Variants in RYR3 observed in about 807,000 individuals in gnomAD.
The protein encoded by RYR3 is ryanodine receptor 3, also known as brain ryanodine receptor-calcium release channel.
A neutral mutation model predicts 584.3 loss-of-function variants in RYR3; 207 were observed. The ratio of observed to expected loss-of-function variants is 0.35; its 90% CI spans 0.32 to 0.40. The LOEUF is 0.40. Ranked by LOEUF, RYR3 falls within the 10% of genes least tolerant of loss-of-function variation. The pLI, the probability that RYR3 is intolerant of heterozygous loss-of-function variation, is 1.00. For missense variants in RYR3, 5,616 were observed against 6,089.2 expected (o/e 0.92, Z 2.59); for synonymous variants, 2,416 against 2,248.5 (o/e 1.07, Z -2.11).
At chr15:33,543,515 G>C in intron 7 of RYR3, 107 bp from the exon 8 acceptor site, 1 of 759,802 alleles carries the variant, frequency 1.3e-6, no homozygotes, top group South Asian at 1.5e-5. Flanking sequence ...GTCTCTCTCA[G>C]TATTTACCGT....
intron 44 of RYR3, among the ~76,000 whole-genome samples, chr15:33,723,221 C>A (rs2068080602): frequency 6.6e-6 from 1 of 152,242 alleles, no homozygotes; most frequent in Admixed American, 6.5e-5. Context: ...TGTCTAACTT[C>A]AGCATGTTTC....
chr15:33,717,479 C>A (rs2067583688), intron 43 of RYR3, among the ~76,000 whole-genome samples: 1 of 152,132 alleles, frequency 6.6e-6, no homozygotes, highest in African/African-American at 2.4e-5. Context: ...TCACCAAGTT[C>A]TGTTGATTCA....
At chr15:33,817,975 CT>C (rs2076907684) in intron 75 of RYR3, among the ~76,000 whole-genome samples, 1 of 152,142 alleles carries the variant, frequency 6.6e-6, no homozygotes, top group Non-Finnish European at 1.5e-5. Context: ...AAGAAAAGAC[CT>C]GATAAAAGGA....
At position 33,826,659 on chromosome 15, in the gene RYR3, C is replaced by G; in HGVS notation, c.11165-13C>G. On this transcript the variant is annotated splice_polypyrimidine_tract_variant and intron_variant, in intron 83 of 103. Transcript: ENST00000634891. Reference sequence around the variant, plus strand: ...AGCCAAACCAATGCTCATCAACGTTCTGTGTTTTCAAGGTGAAAAAGTACT... The same window carrying G: ...AGCCAAACCAATGCTCATCAACGTTGTGTGTTTTCAAGGTGAAAAAGTACT... 6.2e-7 allele frequency: 1 copy of G among 1,608,572 alleles called. No individual in the cohort carries two copies. The highest frequency in any genetic ancestry group is 8.5e-7 in the Non-Finnish European group (1 of 1,174,980).
At chr15:33,789,271 A>C (rs1224368523) in intron 67 of RYR3, among the ~76,000 whole-genome samples, 1 of 152,106 alleles carries the variant, frequency 6.6e-6, no homozygotes, top group Non-Finnish European at 1.5e-5. Flanking sequence ...TCTGAGTCAG[A>C]TAACAAGCCC....
chr15:33,624,642 ATAGCG>A (rs1235824464), intron 20 of RYR3, among the ~76,000 whole-genome samples: 1 of 152,194 alleles, frequency 6.6e-6, no homozygotes, highest in African/African-American at 2.4e-5. Context: ...GAGAAATGGA[ATAGCG>A]TGAAGGGCTT....
At chr15:33,804,145 A>G (rs938288399) in intron 69 of RYR3, among the ~76,000 whole-genome samples, 2 of 152,244 alleles carry the variant, frequency 1.3e-5, no homozygotes, top group African/African-American at 4.8e-5. Flanking sequence ...CATTTTCAGA[A>G]AGTGGTCTTC....
Position 33,486,418 on chromosome 15 carries a change from A to G in RYR3, c.171+12880A>G, listed in dbSNP as rs562502140. 2.0e-4 allele frequency among the ~76,000 whole-genome samples: 31 copies of G among 152,240 alleles called. No individual in the cohort carries two copies. In the East Asian group the frequency reaches 5.2e-3, roughly 26 times the overall value. ...TCTCTGTGCACGTCTTTGCCTGTAC[A>G]TAGCATTTTGTTGTTCGTATAAAGG... On this transcript the variant is annotated intron_variant, in intron 2 of 103. Coordinates refer to ENST00000634891, the MANE Select transcript of RYR3 (RefSeq NM_001036.6).
intron 38 of RYR3, among the ~76,000 whole-genome samples, chr15:33,682,119 A>G (rs769968598): frequency 6.6e-6 from 1 of 152,236 alleles, no homozygotes; most frequent in Non-Finnish European, 1.5e-5. Context: ...AGTTACACCA[A>G]CTTTGGTAGG....
intron 34 of RYR3, 27 bp downstream of exon 34, chr15:33,660,450 G>C: frequency 6.7e-7 from 1 of 1,495,248 alleles, no homozygotes; most frequent in South Asian, 1.3e-5. Context: ...CGAAGGAAGG[G>C]GCAGGCCTGA....
intron 27 of RYR3, among the ~76,000 whole-genome samples, chr15:33,637,601 T>C (rs1029454822): frequency 2.0e-5 from 3 of 152,216 alleles, no homozygotes; most frequent in African/African-American, 4.8e-5. Context: ...TCTGAGACTT[T>C]ACAGAAAGAA....
chr15:33,757,190 C>A (rs1475887738), intron 59 of RYR3, among the ~76,000 whole-genome samples: 1 of 152,154 alleles, frequency 6.6e-6, no homozygotes, highest in South Asian at 2.1e-4. Flanking sequence ...CCCAAGAAGC[C>A]CTATCTGAGT....
chr15:33,783,671 C>T lies in RYR3; in HGVS notation c.9269-1991C>T, dbSNP rs1449468271. Among the ~76,000 whole-genome samples the T allele has an allele frequency of 9.9e-5, 15 of 152,174 alleles. 1 individual carries two copies. The highest frequency in any genetic ancestry group is 7.9e-4 in the Admixed American group (12 of 15,274). Reference sequence around the variant, plus strand: ...GGCAAATAGTTGTAAATTTCAGTTGCGTCTATGGCAGTGGCATTGTTCTGT... The same window carrying T: ...GGCAAATAGTTGTAAATTTCAGTTGTGTCTATGGCAGTGGCATTGTTCTGT... On this transcript the variant is annotated intron_variant, in intron 65 of 103. Transcript: ENST00000634891.
At chr15:33,411,658 A>C (rs942907906) in intron 1 of RYR3, among the ~76,000 whole-genome samples, 4 of 152,178 alleles carry the variant, frequency 2.6e-5, no homozygotes, top group Admixed American at 1.3e-4. Context: ...GACCACTTCC[A>C]CTTCCCCTTA....
intron 3 of RYR3, among the ~76,000 whole-genome samples, chr15:33,510,084 A>G (rs1309745920): frequency 1.3e-5 from 2 of 152,162 alleles, no homozygotes; most frequent in African/African-American, 4.8e-5. Flanking sequence ...AATTGCTCTC[A>G]TGTGCAAAAG....
chr15:33,719,702 G>A (rs796429039), intron 43 of RYR3, among the ~76,000 whole-genome samples: 128 of 152,322 alleles, frequency 8.4e-4, no homozygotes, highest in African/African-American at 3.0e-3. Flanking sequence ...CTGGCTTTTA[G>A]AAATGTAGAT....
At chr15:33,582,570 C>T (rs747765034) in intron 14 of RYR3, among the ~76,000 whole-genome samples, 3 of 152,134 alleles carry the variant, frequency 2.0e-5, no homozygotes, top group South Asian at 4.2e-4. Context: ...GGTGAAATAT[C>T]GCTTTTGAAC....
chr15:33,376,342 T>C (rs1249741431), intron 1 of RYR3, among the ~76,000 whole-genome samples: 3 of 152,238 alleles, frequency 2.0e-5, no homozygotes, highest in Admixed American at 2.0e-4. Context: ...TGTATGAATA[T>C]CCAACAACTT....
At position 33,543,628 on chromosome 15, in the gene RYR3, T is replaced by A. The variant is rs1468760637; in HGVS notation, c.653T>A (p.Leu218Gln). The A allele has an allele frequency of 6.3e-7, 1 of 1,598,802 alleles. No individual in the cohort carries two copies. Among genetic ancestry groups the A allele is most frequent in the Non-Finnish European group, 8.6e-7 (1 of 1,166,260 alleles). Residue 218 changes from leucine (L) to glutamine (Q), a missense_variant, in exon 8 of 104, where the codon CTA becomes CAA. Leu to Gln is a moderately radical substitution (Grantham distance 113). Transcript: ENST00000634891. Reference protein sequence around the residue: ...CSGSSIEEGYLLGGHVVRLFH... With the variant: ...CSGSSIEEGYQLGGHVVRLFH... ...GAATATAATTCTCTTACAGGATACC[T>A]ACTTGGTGGGCATGTAGTACGTCTT...
Sources: gnomAD v4.1 joint callset for allele counts (sites outside exome capture counted in the v4.1 genomes callset) on GRCh38, gnomAD v4.1.1 for gene constraint, MANE v1.5 for transcripts, NCBI Gene and HGNC (gene_info 2026-07-23, HGNC 2026-07-21) for gene names.